The following ARB2A variants were observed in gnomAD, a reference collection of about 807,000 sequenced individuals.
ARB2A encodes the protein ARB2 cotranscriptional regulator A.
At chr5:94,033,585 T>C in the ARB2A span, among the ~76,000 whole-genome samples, 3 of 152,040 alleles carry the variant, frequency 2.0e-5, no homozygotes, top group African/African-American at 7.2e-5. Flanking sequence ...CCACCATGCC[T>C]GGCTAATTTT....
At chr5:93,904,304 A>G in the ARB2A span, among the ~76,000 whole-genome samples, 5 of 151,914 alleles carry the variant, frequency 3.3e-5, no homozygotes, top group Admixed American at 6.6e-5. Context: ...ACTATACCTG[A>G]TATCTTTTAA....
chr5:93,761,492 A>G, the ARB2A span, among the ~76,000 whole-genome samples: 2 of 152,316 alleles, frequency 1.3e-5, no homozygotes, highest in South Asian at 2.1e-4. Flanking sequence ...ACTGCAAGGC[A>G]GAAGCGAGGC....
At chr5:93,969,385 C>G in the ARB2A span, among the ~76,000 whole-genome samples, 1 of 152,010 alleles carries the variant, frequency 6.6e-6, no homozygotes, top group Non-Finnish European at 1.5e-5. Context: ...TCTACTACAC[C>G]TGGCAATTTT....
At chr5:93,761,270 C>T in the ARB2A span, among the ~76,000 whole-genome samples, 22 of 152,072 alleles carry the variant, frequency 1.4e-4, no homozygotes, top group South Asian at 8.3e-4. Context: ...TCCCCTCACC[C>T]GGGAAGCACA....
At chr5:93,763,374 A>C in the ARB2A span, among the ~76,000 whole-genome samples, 1 of 152,148 alleles carries the variant, frequency 6.6e-6, no homozygotes, top group South Asian at 2.1e-4. Flanking sequence ...AATGGAAAAC[A>C]AAAAAAGGCA....
the ARB2A span, chr5:94,050,829 C>T: frequency 6.3e-7 from 1 of 1,598,712 alleles, no homozygotes; most frequent in Admixed American, 1.8e-5. Flanking sequence ...CTTAACTGTC[C>T]CTCTAAGAAG....
At chr5:94,081,097 T>C in the ARB2A span, among the ~76,000 whole-genome samples, 2 of 152,172 alleles carry the variant, frequency 1.3e-5, no homozygotes, top group African/African-American at 4.8e-5. Context: ...TCAATATCAT[T>C]AGTCATTATA....
At chr5:93,711,095 C>T in the ARB2A span, among the ~76,000 whole-genome samples, 7 of 151,968 alleles carry the variant, frequency 4.6e-5, no homozygotes, top group Non-Finnish European at 8.8e-5. Context: ...TTCCTACAGC[C>T]TAAAGTTATA....
At chr5:93,935,007 A>G in the ARB2A span, among the ~76,000 whole-genome samples, 49 of 152,208 alleles carry the variant, frequency 3.2e-4, no homozygotes, top group African/African-American at 1.1e-3. Context: ...GTTCTCACTC[A>G]TAAGTGGGAG....
chr5:94,011,936 CAAAAAAAAAAAAAA>C, the ARB2A span, among the ~76,000 whole-genome samples: 1 of 30,200 alleles, frequency 3.3e-5, no homozygotes, highest in South Asian at 1.3e-3. Context: ...AAAGGGTAGA[CAAAAAAAAAAAAAA>C]AAAAAAAAGA....
chr5:93,628,998 C>T, the ARB2A span, among the ~76,000 whole-genome samples: 1 of 152,208 alleles, frequency 6.6e-6, no homozygotes, highest in Non-Finnish European at 1.5e-5. Context: ...AGCTTTCAGC[C>T]TGTCTTGGCT....
At chr5:93,865,658 T>C in the ARB2A span, 9 of 985,388 alleles carry the variant, frequency 9.1e-6, no homozygotes, top group Non-Finnish European at 1.1e-5. Context: ...CTTTATCATC[T>C]ATATTTATCA....
chr5:93,874,999 G>C, the ARB2A span, among the ~76,000 whole-genome samples: 1 of 152,264 alleles, frequency 6.6e-6, no homozygotes, highest in East Asian at 1.9e-4. Context: ...TTATTACTTA[G>C]AGATGAAGTC....
At chr5:93,986,770 TA>T in the ARB2A span, among the ~76,000 whole-genome samples, 1 of 152,164 alleles carries the variant, frequency 6.6e-6, no homozygotes, top group African/African-American at 2.4e-5. Flanking sequence ...TTAAATGGAT[TA>T]AGGGCGGTGC....
At chr5:93,830,088 T>C in the ARB2A span, among the ~76,000 whole-genome samples, 1 of 151,722 alleles carries the variant, frequency 6.6e-6, no homozygotes, top group Non-Finnish European at 1.5e-5. Flanking sequence ...CAGGTCTAAA[T>C]TGGAACTATA....
chr5:93,767,229 A>G, the ARB2A span, among the ~76,000 whole-genome samples: 3 of 152,190 alleles, frequency 2.0e-5, no homozygotes, highest in Non-Finnish European at 4.4e-5. Context: ...AAGGATATGA[A>G]TAGACAATTC....
the ARB2A span, among the ~76,000 whole-genome samples, chr5:94,060,505 A>G: frequency 6.6e-6 from 1 of 152,252 alleles, no homozygotes; most frequent in East Asian, 1.9e-4. Flanking sequence ...ACTATTAAAG[A>G]AAATGAATTT....
chr5:93,628,328 C>A, the ARB2A span, among the ~76,000 whole-genome samples: 6 of 152,214 alleles, frequency 3.9e-5, no homozygotes, highest in South Asian at 1.2e-3. Context: ...GGATTACAGG[C>A]ATGAGCCACA....
At chr5:94,078,239 T>C in the ARB2A span, among the ~76,000 whole-genome samples, 1 of 152,236 alleles carries the variant, frequency 6.6e-6, no homozygotes, top group African/African-American at 2.4e-5. Context: ...AAAATTGGGT[T>C]AATTTTCTGA....
Sources: allele counts gnomAD v4.1 joint callset (sites outside exome capture counted in the v4.1 genomes callset), GRCh38; gene constraint gnomAD v4.1.1; transcripts MANE v1.5; gene names NCBI Gene and HGNC (gene_info 2026-07-23, HGNC 2026-07-21).